Variants in GRIA4 observed in about 807,000 individuals in gnomAD.
GRIA4 encodes glutamate receptor 4.
GRIA4 carries 34 observed loss-of-function variants against 104.0 expected under a neutral mutation model. The observed-to-expected ratio is 0.33, with a 90% CI of 0.25 to 0.44. The LOEUF (loss-of-function observed/expected upper bound fraction) is 0.44. Ranked by LOEUF, GRIA4 falls within the 20% of genes least tolerant of loss-of-function variation. GRIA4 has a pLI of 1.00. For missense variants in GRIA4, 750 were observed against 1,096.5 expected (o/e 0.68, Z 4.46); for synonymous variants, 386 against 381.9 (o/e 1.01, Z -0.13).
At chr11:105,716,833 C>T (rs1954108159) in intron 3 of GRIA4, among the ~76,000 whole-genome samples, 1 of 152,070 alleles carries the variant, frequency 6.6e-6, no homozygotes, top group Non-Finnish European at 1.5e-5. Flanking sequence ...GGACTCTAAT[C>T]TTTAACTAGA....
At chr11:105,854,787 C>T (rs774198994) in intron 4 of GRIA4, among the ~76,000 whole-genome samples, 2 of 152,088 alleles carry the variant, frequency 1.3e-5, no homozygotes, top group Admixed American at 6.6e-5. Context: ...TCCTTCCTTG[C>T]TAATTTCATC....
chr11:105,716,290 A>G (rs1314215072), intron 3 of GRIA4, among the ~76,000 whole-genome samples: 1 of 152,180 alleles, frequency 6.6e-6, no homozygotes, highest in Admixed American at 6.6e-5. Flanking sequence ...AACACAGAAG[A>G]AAGAAATAAA....
chr11:105,622,760 C>G (rs1202173033), intron 3 of GRIA4, among the ~76,000 whole-genome samples: 5 of 151,594 alleles, frequency 3.3e-5, no homozygotes, highest in Non-Finnish European at 7.4e-5. Flanking sequence ...GTGATGAAGT[C>G]AGGGCATTTA....
At chr11:105,895,090 C>T (rs1177715172) in intron 6 of GRIA4, among the ~76,000 whole-genome samples, 3 of 151,952 alleles carry the variant, frequency 2.0e-5, no homozygotes, top group African/African-American at 2.4e-5. Flanking sequence ...TGAGCCACCG[C>T]GCCCGGCCTA....
intron 5 of GRIA4, among the ~76,000 whole-genome samples, chr11:105,866,905 A>G (rs1422500902): frequency 1.3e-5 from 2 of 152,090 alleles, no homozygotes; most frequent in Non-Finnish European, 2.9e-5. Context: ...ATTTATCAGG[A>G]AAAGATAGTA....
At chr11:105,822,347 G>T (rs1321277098) in intron 4 of GRIA4, among the ~76,000 whole-genome samples, 1 of 151,958 alleles carries the variant, frequency 6.6e-6, no homozygotes, top group East Asian at 1.9e-4. Flanking sequence ...CTTTCAGTTT[G>T]ATTTAACAGA....
intron 3 of GRIA4, among the ~76,000 whole-genome samples, chr11:105,616,090 T>G (rs1312512751): frequency 6.6e-6 from 1 of 151,724 alleles, no homozygotes; most frequent in Non-Finnish European, 1.5e-5. Context: ...ACTCATGTAT[T>G]ATCGTCTTGG....
chr11:105,710,924 C>A (rs1296236162), intron 3 of GRIA4, among the ~76,000 whole-genome samples: 2 of 150,632 alleles, frequency 1.3e-5, no homozygotes, highest in African/African-American at 2.4e-5. Context: ...TATTAGGAAA[C>A]AAAAACTAAA....
chr11:105,920,088 T>C (rs772763944), intron 11 of GRIA4, among the ~76,000 whole-genome samples: 6 of 152,124 alleles, frequency 3.9e-5, no homozygotes. Flanking sequence ...ACATTCTTTG[T>C]ACAGTACAGT....
In GRIA4 at chr11:105,767,563, G is replaced by A. The variant is rs563553348; in HGVS notation, c.487+14343G>A. On this transcript the variant is annotated intron_variant, in intron 4 of 16. Transcript: ENST00000282499. ...TGCAAACTGAAATAAAAAACTATGAGCAGGGAAAAGGAGTGATCATAGATA... is the reference window on the plus strand; with the variant it reads ...TGCAAACTGAAATAAAAAACTATGAACAGGGAAAAGGAGTGATCATAGATA... Among the ~76,000 whole-genome samples, 48 of 152,134 alleles carry A rather than the reference G, an allele frequency of 3.2e-4. 1 individual carries two copies. The East Asian group carries it at 3.9e-3, about 12-fold the overall frequency.
At chr11:105,878,036 T>C (rs1381064929) in intron 5 of GRIA4, among the ~76,000 whole-genome samples, 1 of 152,238 alleles carries the variant, frequency 6.6e-6, no homozygotes, top group African/African-American at 2.4e-5. Flanking sequence ...TTTTTCCTCA[T>C]CTTCATGGAT....
At chr11:105,734,067 A>AAT (rs986133199) in intron 3 of GRIA4, among the ~76,000 whole-genome samples, 1 of 147,292 alleles carries the variant, frequency 6.8e-6, no homozygotes, top group Non-Finnish European at 1.5e-5. Context: ...TATTATATAT[A>AAT]ATATATATAT....
In GRIA4 at chr11:105,933,910, G is replaced by A; in HGVS notation, c.2235G>A (p.Val745=). 6.2e-7 allele frequency: 1 copy of A among 1,613,226 alleles called. No individual in the cohort carries two copies. Among genetic ancestry groups the A allele is most frequent in the Non-Finnish European group, 8.5e-7 (1 of 1,179,344 alleles). ...EQRKPCDTMK[V]GGNLDSKGYG... Reference sequence around the variant, plus strand: ...GAAAGCCATGTGACACGATGAAAGTGGGAGGAAATCTGGATTCCAAAGGCT... The same window carrying A: ...GAAAGCCATGTGACACGATGAAAGTAGGAGGAAATCTGGATTCCAAAGGCT... The change falls in exon 14 of 17, where the codon GTG becomes GTA. Residue 745 remains valine (V), a synonymous_variant. Coordinates refer to ENST00000282499, the MANE Select transcript of GRIA4 (RefSeq NM_000829.4).
chr11:105,957,408 A>G (rs1352859049), intron 14 of GRIA4, among the ~76,000 whole-genome samples: 2 of 152,164 alleles, frequency 1.3e-5, no homozygotes, highest in African/African-American at 4.8e-5. Context: ...TTTGTCAAAG[A>G]TCAGATAGTT....
intron 3 of GRIA4, among the ~76,000 whole-genome samples, chr11:105,679,428 A>G (rs967262920): frequency 6.6e-6 from 1 of 152,286 alleles, no homozygotes; most frequent in African/African-American, 2.4e-5. Flanking sequence ...TGGCATCCAT[A>G]TGCATTTCCT....
chr11:105,913,825 C>T (rs915925558), intron 10 of GRIA4, among the ~76,000 whole-genome samples: 8 of 152,026 alleles, frequency 5.3e-5, no homozygotes, highest in African/African-American at 1.7e-4. Context: ...CTCATGAACA[C>T]AACAATCCTT....
intron 3 of GRIA4, among the ~76,000 whole-genome samples, chr11:105,690,748 T>C (rs541048234): frequency 6.6e-6 from 1 of 152,234 alleles, no homozygotes; most frequent in Non-Finnish European, 1.5e-5. Flanking sequence ...GGGTAGTCAT[T>C]TTCCTGCCAA....
At chr11:105,651,358 C>T (rs1951681680) in intron 3 of GRIA4, among the ~76,000 whole-genome samples, 1 of 119,698 alleles carries the variant, frequency 8.4e-6, no homozygotes, top group African/African-American at 3.0e-5. Context: ...GATTCCCAAA[C>T]CTGCATTAGC....
At chr11:105,922,176 C>T (rs1262453526) in intron 11 of GRIA4, among the ~76,000 whole-genome samples, 1 of 151,968 alleles carries the variant, frequency 6.6e-6, no homozygotes, top group East Asian at 1.9e-4. Context: ...AAAGTGGGGG[C>T]AGATTATTAC....
Sources: allele counts gnomAD v4.1 joint callset (sites outside exome capture counted in the v4.1 genomes callset), GRCh38; gene constraint gnomAD v4.1.1; transcripts MANE v1.5; gene names NCBI Gene and HGNC (gene_info 2026-07-23, HGNC 2026-07-21).